The following MEGF10 variants were observed in gnomAD, a reference collection of about 807,000 sequenced individuals.
MEGF10 encodes multiple EGF like domains 10, also known as multiple epidermal growth factor-like domains protein 10.
MEGF10 carries 86 observed loss-of-function variants against 147.5 expected under a neutral mutation model. That is an observed-to-expected ratio of 0.58 (90% CI 0.49 to 0.70). The LOEUF (loss-of-function observed/expected upper bound fraction) is 0.70. MEGF10 is among the 30% of genes least tolerant of loss of function. The pLI is 0.00. For synonymous variants in MEGF10, 478 were observed against 525.5 expected (o/e 0.91, Z 1.24); for missense variants, 1,329 against 1,487.3 (o/e 0.89, Z 1.75).
At chr5:127,362,299 A>C (rs1455325575) in intron 4 of MEGF10, among the ~76,000 whole-genome samples, 1 of 139,482 alleles carries the variant, frequency 7.2e-6, no homozygotes, top group Non-Finnish European at 1.6e-5. Flanking sequence ...TAATATAGCT[A>C]CTCCAGCTTT....
chr5:127,411,410 C>T (rs1433232361), intron 9 of MEGF10, among the ~76,000 whole-genome samples: 2 of 152,254 alleles, frequency 1.3e-5, no homozygotes, highest in African/African-American at 4.8e-5. Context: ...TTCAGCACAG[C>T]TGTTACTTCA....
In MEGF10 at chr5:127,437,238, T is replaced by A. The variant is rs1275006117; in HGVS notation, c.2105-1201T>A. Among the ~76,000 whole-genome samples, 7 of 152,350 alleles carry A rather than the reference T, an allele frequency of 4.6e-5. No homozygotes were observed. In the East Asian group the frequency reaches 1.3e-3, roughly 29 times the overall value. Reference sequence around the variant, plus strand: ...ACTGTGGCTTTGGGAAAGCTGTATTTGTCTAACAAATAACAAATATTATTA... The same window carrying A: ...ACTGTGGCTTTGGGAAAGCTGTATTAGTCTAACAAATAACAAATATTATTA... On this transcript the variant is annotated intron_variant, in intron 16 of 24. Coordinates refer to ENST00000503335, the MANE Select transcript of MEGF10 (RefSeq NM_001256545.2).
intron 1 of MEGF10, among the ~76,000 whole-genome samples, chr5:127,303,720 AG>A (rs368703382): frequency 8.5e-5 from 13 of 152,284 alleles, no homozygotes; most frequent in African/African-American, 3.1e-4. Flanking sequence ...GTAGTTGAAA[AG>A]TTAAGGTGTG....
intron 4 of MEGF10, among the ~76,000 whole-genome samples, chr5:127,364,634 G>A (rs531182051): frequency 3.9e-5 from 6 of 152,306 alleles, no homozygotes; most frequent in African/African-American, 1.4e-4. Context: ...AAAGCAAAAC[G>A]ATTCCTGTGC....
chr5:127,321,972 T>G (rs1214707250), intron 1 of MEGF10, among the ~76,000 whole-genome samples: 2 of 152,166 alleles, frequency 1.3e-5, no homozygotes, highest in Non-Finnish European at 2.9e-5. Context: ...AATTGCCTTC[T>G]TTTGTCATTT....
chr5:127,331,230 A>G, intron 1 of MEGF10, 61 bp from the exon 2 acceptor site: 1 of 890,554 alleles, frequency 1.1e-6, no homozygotes, highest in East Asian at 2.4e-5. Context: ...TGCTGTACTG[A>G]AAAGAATTCT....
the MEGF10 span, among the ~76,000 whole-genome samples, chr5:127,234,988 C>A: frequency 1.3e-5 from 2 of 152,154 alleles, no homozygotes; most frequent in Non-Finnish European, 2.9e-5. Flanking sequence ...GGATTACAGG[C>A]GCATGCCACC....
chr5:127,393,631 T>C (rs1277898721), intron 5 of MEGF10, among the ~76,000 whole-genome samples: 2 of 152,136 alleles, frequency 1.3e-5, no homozygotes, highest in Non-Finnish European at 2.9e-5. Context: ...TTTAGGAAAA[T>C]ATAGCCCGAA....
the MEGF10 span, among the ~76,000 whole-genome samples, chr5:127,259,631 A>C: frequency 6.6e-6 from 1 of 152,104 alleles, no homozygotes; most frequent in Non-Finnish European, 1.5e-5. Flanking sequence ...AGACCCCTCC[A>C]GGTATATCAG....
At chr5:127,281,329 A>G in the MEGF10 span, among the ~76,000 whole-genome samples, 3 of 152,186 alleles carry the variant, frequency 2.0e-5, no homozygotes, top group Non-Finnish European at 2.9e-5. Flanking sequence ...GTGGGATACT[A>G]ACATGAAGCC....
intron 2 of MEGF10, 23 bp from the exon 3 acceptor site, chr5:127,339,097 C>T: frequency 2.0e-6 from 3 of 1,482,582 alleles, no homozygotes; most frequent in Non-Finnish European, 2.8e-6. Context: ...ATACTGATTT[C>T]TTATTTTTCC....
chr5:127,437,750 C>T lies in MEGF10; in HGVS notation c.2105-689C>T, dbSNP rs191714207. Among the ~76,000 whole-genome samples, 7 of 152,286 alleles carry T rather than the reference C, an allele frequency of 4.6e-5. No homozygotes were observed. The East Asian group carries it at 1.4e-3, about 29-fold the overall frequency. On this transcript the variant is annotated intron_variant, in intron 16 of 24. Transcript: ENST00000503335. The stretch of plus-strand genomic sequence containing the variant: ...GTTTTTACAAGGAAACCAATTTTTA[C>T]ATACCGCTGGGAACCTCAATATTTA...
At chr5:127,266,040 T>C in the MEGF10 span, among the ~76,000 whole-genome samples, 1 of 152,164 alleles carries the variant, frequency 6.6e-6, no homozygotes, top group Non-Finnish European at 1.5e-5. Context: ...CTTCTAGGTT[T>C]TTTATGGTTT....
At chr5:127,370,027 G>C (rs1431854880) in intron 5 of MEGF10, 25 bp downstream of exon 5, 22 of 1,591,332 alleles carry the variant, frequency 1.4e-5, no homozygotes, top group Non-Finnish European at 1.9e-5. Context: ...GCTGTTGTCT[G>C]TCTCGGGATG....
At chr5:127,235,112 C>T in the MEGF10 span, among the ~76,000 whole-genome samples, 2 of 152,172 alleles carry the variant, frequency 1.3e-5, no homozygotes, top group Non-Finnish European at 2.9e-5. Flanking sequence ...TCCCAAAGTG[C>T]TGGGATTACA....
At chr5:127,295,671 C>G (rs562060658) in intron 1 of MEGF10, among the ~76,000 whole-genome samples, 10 of 152,302 alleles carry the variant, frequency 6.6e-5, no homozygotes, top group African/African-American at 2.4e-4. Flanking sequence ...TAGCTGGCAT[C>G]TGAGTGTCAT....
intron 5 of MEGF10, among the ~76,000 whole-genome samples, chr5:127,374,669 A>G (rs536972566): frequency 8.7e-4 from 133 of 152,296 alleles, no homozygotes; most frequent in African/African-American, 3.2e-3. Flanking sequence ...TCACAGTTCT[A>G]CTGAATATTC....
chr5:127,419,287 C>T, intron 11 of MEGF10, 47 bp downstream of exon 11: 1 of 1,571,686 alleles, frequency 6.4e-7, no homozygotes, highest in Non-Finnish European at 8.6e-7. Context: ...GTCACGTTAT[C>T]TCCTAAAGAC....
chr5:127,329,231 GT>G (rs975826205), intron 1 of MEGF10, among the ~76,000 whole-genome samples: 1 of 151,938 alleles, frequency 6.6e-6, no homozygotes, highest in Non-Finnish European at 1.5e-5. Context: ...GTTAATTTTG[GT>G]TAACTATTTA....
Sources: allele counts gnomAD v4.1 joint callset (sites outside exome capture counted in the v4.1 genomes callset), GRCh38; gene constraint gnomAD v4.1.1; transcripts MANE v1.5; gene names NCBI Gene and HGNC (gene_info 2026-07-23, HGNC 2026-07-21).